ARHGAP15: variants seen among roughly 807,000 people sequenced by gnomAD.
The protein encoded by ARHGAP15 is rho GTPase-activating protein 15.
Under a neutral mutation model 63.7 loss-of-function variants are expected in ARHGAP15, and 51 were observed. The ratio of observed to expected loss-of-function variants is 0.80; its 90% CI spans 0.64 to 1.01. ARHGAP15 has a LOEUF of 1.01. Among genes scored for constraint, ARHGAP15 ranks in the 50% least tolerant of loss-of-function variants. ARHGAP15 has a pLI of 0.00. For synonymous variants in ARHGAP15, 191 were observed against 193.8 expected, an observed-to-expected ratio of 0.99 and a Z score of 0.12; for missense variants, 560 against 564.6, an observed-to-expected ratio of 0.99 and a Z score of 0.08.
chr2:143,757,792 A>G (rs1035444200), intron 13 of ARHGAP15, among the ~76,000 whole-genome samples: 3 of 152,136 alleles, frequency 2.0e-5, no homozygotes, highest in African/African-American at 7.2e-5. Context: ...TTTAAAAACA[A>G]GACTTTGATA....
At chr2:143,229,283 G>A (rs993366271) in intron 5 of ARHGAP15, among the ~76,000 whole-genome samples, 1 of 152,130 alleles carries the variant, frequency 6.6e-6, no homozygotes, top group Admixed American at 6.6e-5. Context: ...TCGTCTAACT[G>A]TGACGTTCAC....
chr2:143,409,776 T>C (rs940997494), intron 6 of ARHGAP15, among the ~76,000 whole-genome samples: 2 of 152,162 alleles, frequency 1.3e-5, no homozygotes, highest in Non-Finnish European at 2.9e-5. Flanking sequence ...GACTAGTTTA[T>C]AGCCTACAAG....
intron 6 of ARHGAP15, among the ~76,000 whole-genome samples, chr2:143,403,693 G>C (rs780392602): frequency 1.4e-4 from 21 of 151,848 alleles, no homozygotes; most frequent in Non-Finnish European, 1.0e-4. Context: ...TGGAGTTTCA[G>C]CAGTCAAGGG....
At chr2:143,764,541 C>T (rs945440074) in intron 13 of ARHGAP15, among the ~76,000 whole-genome samples, 16 of 152,118 alleles carry the variant, frequency 1.1e-4, no homozygotes, top group Admixed American at 3.9e-4. Flanking sequence ...AGTCCAGCCC[C>T]GTTTCAGTTT....
chr2:143,337,755 G>C (rs1684871959), intron 6 of ARHGAP15, among the ~76,000 whole-genome samples: 1 of 152,084 alleles, frequency 6.6e-6, no homozygotes. Context: ...AAAAGTGGAA[G>C]GTGTGCTGCT....
intron 13 of ARHGAP15, among the ~76,000 whole-genome samples, chr2:143,736,223 C>A (rs1370364895): frequency 6.6e-6 from 1 of 152,020 alleles, no homozygotes; most frequent in East Asian, 1.9e-4. Flanking sequence ...CATGGTGAAA[C>A]CTTGTCTCTA....
At chr2:143,711,205 G>A (rs1684565493) in intron 13 of ARHGAP15, among the ~76,000 whole-genome samples, 1 of 151,760 alleles carries the variant, frequency 6.6e-6, no homozygotes. Flanking sequence ...GAAAAAAATT[G>A]CTGACCCTTC....
chr2:143,262,094 T>C (rs981493752), intron 6 of ARHGAP15, among the ~76,000 whole-genome samples: 3 of 152,118 alleles, frequency 2.0e-5, no homozygotes, highest in African/African-American at 7.2e-5. Flanking sequence ...AAAAGATGTG[T>C]AACGCGTGCT....
chr2:143,702,173 A>T (rs528484415), intron 12 of ARHGAP15, among the ~76,000 whole-genome samples: 43 of 152,330 alleles, frequency 2.8e-4, no homozygotes, highest in African/African-American at 1.0e-3. Context: ...CTGTGCTAGA[A>T]GTTAAAGTAT....
At chr2:143,334,353 G>A (rs1271200078) in intron 6 of ARHGAP15, among the ~76,000 whole-genome samples, 2 of 152,068 alleles carry the variant, frequency 1.3e-5, no homozygotes, top group Non-Finnish European at 2.9e-5. Flanking sequence ...AAAGAGAATA[G>A]CTATGATATA....
chr2:143,684,663 G>A (rs573411044), intron 12 of ARHGAP15, among the ~76,000 whole-genome samples: 3 of 152,296 alleles, frequency 2.0e-5, no homozygotes, highest in East Asian at 3.9e-4. Context: ...CTAATGTCAT[G>A]TAGTTAAACT....
At chr2:143,165,997 A>AAG (rs1558787751) in intron 2 of ARHGAP15, among the ~76,000 whole-genome samples, 6 of 93,548 alleles carry the variant, frequency 6.4e-5, no homozygotes, top group East Asian at 8.6e-4. Context: ...AAAGAAAGAA[A>AAG]GAAAGAAGGA....
intron 6 of ARHGAP15, among the ~76,000 whole-genome samples, chr2:143,311,734 G>T (rs1358800417): frequency 6.6e-6 from 1 of 152,128 alleles, no homozygotes; most frequent in African/African-American, 2.4e-5. Flanking sequence ...CTTAGCATAT[G>T]TCTAAGCTCA....
chr2:143,603,582 A>G (rs1204692831), intron 11 of ARHGAP15, among the ~76,000 whole-genome samples: 1 of 152,166 alleles, frequency 6.6e-6, no homozygotes, highest in African/African-American at 2.4e-5. Flanking sequence ...AAGGCATCTA[A>G]TGATTGAAAG....
intron 10 of ARHGAP15, among the ~76,000 whole-genome samples, chr2:143,532,839 A>G (rs905306739): frequency 1.3e-5 from 2 of 152,256 alleles, no homozygotes; most frequent in Non-Finnish European, 2.9e-5. Flanking sequence ...TTGCATAGAT[A>G]TACCAAATGG....
intron 2 of ARHGAP15, among the ~76,000 whole-genome samples, chr2:143,159,520 C>T (rs992683843): frequency 1.3e-5 from 2 of 151,850 alleles, no homozygotes; most frequent in African/African-American, 2.4e-5. Context: ...GACACTAAAT[C>T]ACATTGAATT....
At chr2:143,570,110 T>C (rs985575823) in intron 11 of ARHGAP15, among the ~76,000 whole-genome samples, 4 of 152,220 alleles carry the variant, frequency 2.6e-5, no homozygotes, top group African/African-American at 9.6e-5. Flanking sequence ...TGGAAATTGC[T>C]ACACCATATG....
At chr2:143,337,094 G>A (rs1428844763) in intron 6 of ARHGAP15, among the ~76,000 whole-genome samples, 1 of 152,086 alleles carries the variant, frequency 6.6e-6, no homozygotes, top group Non-Finnish European at 1.5e-5. Context: ...AGTTTTCGGT[G>A]AGGTGGAAAG....
intron 6 of ARHGAP15, among the ~76,000 whole-genome samples, chr2:143,388,068 C>T (rs1558937843): frequency 6.6e-6 from 1 of 152,188 alleles, no homozygotes; most frequent in Non-Finnish European, 1.5e-5. Context: ...CTACTAAATA[C>T]TGCTAATATT....
Sources: allele counts gnomAD v4.1 joint callset (sites outside exome capture counted in the v4.1 genomes callset), GRCh38; gene constraint gnomAD v4.1.1; transcripts MANE v1.5; gene names NCBI Gene and HGNC (gene_info 2026-07-23, HGNC 2026-07-21).